The following KIAA0930 variants were observed in gnomAD, a reference collection of about 807,000 sequenced individuals.
KIAA0930 encodes KIAA0930.
In KIAA0930, 24 loss-of-function variants were observed where a neutral mutation model predicts 43.9. The ratio of observed to expected loss-of-function variants is 0.55; its 90% CI spans 0.40 to 0.77. KIAA0930 has a LOEUF of 0.77. KIAA0930 is among the 30% of genes least tolerant of loss of function. The probability of loss-of-function intolerance (pLI) is 0.00; values close to 1 mark genes in which losing one functional copy is unlikely to be tolerated. For synonymous variants in KIAA0930, 259 were observed against 216.4 expected (o/e 1.20, Z -1.73); for missense variants, 461 against 574.2 (o/e 0.80, Z 2.02).
intron 1 of KIAA0930, among the ~76,000 whole-genome samples, chr22:45,222,711 C>G (rs541914630): frequency 7.0e-6 from 1 of 143,132 alleles, no homozygotes; most frequent in Non-Finnish European, 1.5e-5. Flanking sequence ...ACACTGGAAA[C>G]ACAGACGGAA....
chr22:45,240,477 G>C (rs189239632), intron 1 of KIAA0930, among the ~76,000 whole-genome samples, 163 bp downstream of exon 1: 68 of 152,148 alleles, frequency 4.5e-4, no homozygotes, highest in Admixed American at 1.6e-3. Context: ...GGGACGGTGG[G>C]GGGGGGGCCA....
chr22:45,214,708 A>G (rs2083720614), intron 1 of KIAA0930, among the ~76,000 whole-genome samples: 1 of 152,120 alleles, frequency 6.6e-6, no homozygotes. Context: ...CAGGAGTTCA[A>G]GGTCAGCCTG....
chr22:45,224,195 T>G (rs777720516), intron 1 of KIAA0930, among the ~76,000 whole-genome samples: 2 of 152,216 alleles, frequency 1.3e-5, no homozygotes, highest in East Asian at 3.9e-4. Context: ...AATACTTAAA[T>G]GAAGGAAACT....
chr22:45,230,441 C>T (rs1421713429), intron 1 of KIAA0930, among the ~76,000 whole-genome samples: 1 of 152,138 alleles, frequency 6.6e-6, no homozygotes, highest in Non-Finnish European at 1.5e-5. Flanking sequence ...GGTCATGAGA[C>T]CCTCATGTGA....
At chr22:45,216,017 G>A (rs1324880303) in intron 1 of KIAA0930, among the ~76,000 whole-genome samples, 2 of 127,612 alleles carry the variant, frequency 1.6e-5, no homozygotes, top group East Asian at 4.9e-4. Context: ...GACAGAGCGA[G>A]ACTCCGTCTC....
intron 1 of KIAA0930, among the ~76,000 whole-genome samples, chr22:45,228,226 C>A (rs886290192): frequency 6.6e-6 from 1 of 152,180 alleles, no homozygotes; most frequent in Non-Finnish European, 1.5e-5. Context: ...ATCCCCAGCA[C>A]ACACAGCATC....
chr22:45,209,665 A>G (rs2083675309), intron 2 of KIAA0930, among the ~76,000 whole-genome samples: 2 of 152,164 alleles, frequency 1.3e-5, no homozygotes, highest in Non-Finnish European at 2.9e-5. Context: ...ATGGCTCCAT[A>G]GCACTGGCCA....
At chr22:45,208,598 G>C (rs1035287629) in intron 2 of KIAA0930, among the ~76,000 whole-genome samples, 2 of 151,882 alleles carry the variant, frequency 1.3e-5, no homozygotes, top group African/African-American at 4.8e-5. Context: ...GCTGCCCAGG[G>C]GGAGGTTGAG....
At position 45,193,037 on chromosome 22, in the gene KIAA0930, CCCTCCAGAGGCTGCTT is replaced by C. The variant is rs1259379361; in HGVS notation, c.*4123_*4138del. 3 of 152,218 alleles carry C rather than the reference CCCTCCAGAGGCTGCTT, an allele frequency of 2.0e-5. No homozygotes were observed. Among genetic ancestry groups the C allele is most frequent in the African/African-American group, 7.2e-5 (3 of 41,456 alleles). 9.4% of individuals were successfully genotyped at this position (152,218 alleles called of 1,614,324 possible). On this transcript the variant is annotated 3_prime_UTR_variant, in exon 10 of 10. Coordinates refer to ENST00000336156, the MANE Select transcript of KIAA0930 (RefSeq NM_001009880.2). The stretch of plus-strand genomic sequence containing the variant: ...TCTCCCTCGAAGGGCAGTGGCTGCC[CCCTCCAGAGGCTGCTT>C]CCATTCAAGCTCAAGGGCACGTGCC...
chr22:45,231,434 C>G (rs1057375286), intron 1 of KIAA0930, among the ~76,000 whole-genome samples: 13 of 150,186 alleles, frequency 8.7e-5, no homozygotes, highest in Admixed American at 7.3e-4. Flanking sequence ...CCTGAAGATC[C>G]GAGGGATGTC....
chr22:45,210,745 A>G (rs1381385342), intron 2 of KIAA0930, among the ~76,000 whole-genome samples: 1 of 55,168 alleles, frequency 1.8e-5, no homozygotes, highest in Non-Finnish European at 3.6e-5. Flanking sequence ...CCCTCCCAGA[A>G]AGCATTCCCT....
intron 7 of KIAA0930, among the ~76,000 whole-genome samples, chr22:45,202,149 C>T (rs977198358): frequency 6.6e-6 from 1 of 152,230 alleles, no homozygotes; most frequent in African/African-American, 2.4e-5. Flanking sequence ...GCAAGACTGC[C>T]CCTGGACCTG....
In KIAA0930 at chr22:45,203,957, C is replaced by T; in HGVS notation, c.545G>A (p.Gly182Glu). 6.2e-7 allele frequency: 1 copy of T among 1,614,098 alleles called. No homozygotes were observed. The highest frequency in any genetic ancestry group is 8.5e-7 in the Non-Finnish European group (1 of 1,179,966). ...EVFSDMTVGE[G>E]EMVCVELVAS... ...CACCAGCTCCACACAGACCATCTCT[C>T]CTTCCCCTACGGTCATGTCGCTGAA... Residue 182 changes from glycine to glutamate, a missense_variant, in exon 6 of 10, where the codon GGA (glycine) becomes GAA (glutamate). By Grantham distance (98) the Gly-to-Glu change is moderately conservative (BLOSUM62 -2). Coordinates refer to ENST00000336156, the MANE Select transcript of KIAA0930 (RefSeq NM_001009880.2).
At chr22:45,203,229 G>T in intron 6 of KIAA0930, 45 bp from the exon 7 acceptor site, 6 of 1,535,260 alleles carry the variant, frequency 3.9e-6, no homozygotes, top group Non-Finnish European at 4.4e-6. Flanking sequence ...GGTGGCGATG[G>T]CTCCATGGGG....
Position 45,192,859 on chromosome 22 carries a change from G to A in KIAA0930, c.*4317C>T, listed in dbSNP as rs2083501621. The A allele has an allele frequency of 6.6e-6, 1 of 152,222 alleles. No individual in the cohort carries two copies. The highest frequency in any genetic ancestry group is 2.1e-4 in the South Asian group (1 of 4,826). 9.4% of individuals were successfully genotyped at this position (152,222 alleles called of 1,614,324 possible). The stretch of plus-strand genomic sequence containing the variant: ...TCGGTGTCCCGAGGAGTGCTCCAGG[G>A]CTCGGAGAAGGGGCTCAGGGGTCCT... On this transcript the variant is annotated 3_prime_UTR_variant, in exon 10 of 10. Coordinates refer to ENST00000336156, the MANE Select transcript of KIAA0930 (RefSeq NM_001009880.2).
intron 1 of KIAA0930, chr22:45,235,126 G>A (rs943559121): frequency 6.6e-6 from 1 of 152,138 alleles, no homozygotes; most frequent in Non-Finnish European, 1.5e-5. Context: ...GATGAAGGAG[G>A]CAAGGAGACC....
chr22:45,205,921 C>A lies in KIAA0930; in HGVS notation c.217-9G>T. 3 of 1,612,220 alleles carry A rather than the reference C, an allele frequency of 1.9e-6. No individual in the cohort carries two copies. Among genetic ancestry groups the A allele is most frequent in the Non-Finnish European group, 2.5e-6 (3 of 1,179,884 alleles). On this transcript the variant is annotated splice_polypyrimidine_tract_variant and intron_variant, in intron 2 of 9. Coordinates refer to ENST00000336156, the MANE Select transcript of KIAA0930 (RefSeq NM_001009880.2). ...ACCTCAGGCTCAGCTGCCTGCGAGG[C>A]CCAGAGCAGAAGTGAGTGCCCAGGG...
At chr22:45,206,427 C>T (rs5766535) in intron 2 of KIAA0930, among the ~76,000 whole-genome samples, 38,617 of 152,102 alleles carry the variant, frequency 0.25, 5,195 homozygotes, top group Non-Finnish European at 0.3. Flanking sequence ...GGACTAAGGG[C>T]ATCTTCCCCT....
chr22:45,198,644 T>C (rs1488087936), intron 8 of KIAA0930, among the ~76,000 whole-genome samples: 3 of 152,154 alleles, frequency 2.0e-5, no homozygotes, highest in Non-Finnish European at 4.4e-5. Context: ...AGCGAATCCT[T>C]CACGTCGTTT....
Sources: allele counts gnomAD v4.1 joint callset (sites outside exome capture counted in the v4.1 genomes callset), GRCh38; gene constraint gnomAD v4.1.1; transcripts MANE v1.5; gene names NCBI Gene and HGNC (gene_info 2026-07-23, HGNC 2026-07-21).